The following PSD variants were observed in gnomAD, a reference collection of about 807,000 sequenced individuals.
PSD encodes pleckstrin and Sec7 domain containing.
PSD carries 32 observed loss-of-function variants against 91.6 expected under a neutral mutation model. The ratio of observed to expected loss-of-function variants is 0.35; its 90% confidence interval spans 0.26 to 0.47. The LOEUF is 0.47. Among genes scored for constraint, PSD ranks in the 20% least tolerant of loss-of-function variants. PSD has a pLI of 1.00. For synonymous variants in PSD, 532 were observed against 569.3 expected (o/e 0.93, Z 0.93); for missense variants, 1,099 against 1,373.9 (o/e 0.80, Z 3.16).
chr10:102,414,314 C>T lies in PSD; in HGVS notation c.1125-117G>A, dbSNP rs530594614. 1 of 1,043,046 alleles carries T rather than the reference C, an allele frequency of 9.6e-7. No individual in the cohort carries two copies. The highest frequency in any genetic ancestry group is 2.5e-5 in the East Asian group (1 of 39,532). The allele number at this position is 1,043,046 out of a possible 1,614,324, so 64.6% of individuals were successfully genotyped here. On this transcript the variant is annotated intron_variant, in intron 4 of 16. Transcript: ENST00000020673. This position sits in a 1 kb window ranked among gnomAD's most constrained non-coding sequence, Gnocchi z 5.6. ...GATTATCATCCCCTTTTCACTGGCT[C>T]CAGCCCACTAACAAAAAAGAGCCTC...
intron 3 of PSD, 51 bp downstream of exon 3, chr10:102,415,966 G>T: frequency 2.1e-6 from 3 of 1,421,486 alleles, no homozygotes; most frequent in Non-Finnish European, 2.9e-6. Flanking sequence ...AGCCTCAGCT[G>T]CTGTGGGGAA....
rs142852063 is a variant in PSD, at chr10:102,416,602, T to C, written c.437A>G (p.Asn146Ser). The C allele has an allele frequency of 4.0e-5, 63 of 1,594,578 alleles. No homozygotes were observed. In the African/African-American group the frequency reaches 8.1e-4, roughly 20 times the overall value. The change falls in exon 2 of 17, where the codon AAC (asparagine) becomes AGC (serine). Residue 146 changes from asparagine to serine, a missense_variant. Physicochemically the swap from Asn to Ser is conservative, Grantham distance 46. Around this residue, in one of 3 missense-constraint regions of PSD, gnomAD observed 631 missense variants for 728.8 expected, o/e 0.87. Transcript: ENST00000020673. This position sits in a 1 kb window ranked among gnomAD's most constrained non-coding sequence, Gnocchi z 6.0. ...GGATGCTTCCAGCCGTAACTTCCGG[T>C]TGGAGCCAGGCCCAAGGGCTGGGGT... ...RPTPALGPGS[N>S]RKLRLEASTS...
chr10:102,413,489 C>T (rs2061444289), intron 5 of PSD, among the ~76,000 whole-genome samples: 1 of 152,048 alleles, frequency 6.6e-6, no homozygotes, highest in African/African-American at 2.4e-5. Context: ...AAAGGGCCCT[C>T]CAGGAGAGCA....
At position 102,402,802 on chromosome 10, in the gene PSD, G is replaced by C. The variant is rs902685284; in HGVS notation, c.*398C>G. The C allele has an allele frequency of 4.1e-6, 1 of 245,988 alleles. No homozygotes were observed. Among genetic ancestry groups the C allele is most frequent in the African/African-American group, 2.2e-5 (1 of 44,608 alleles). The allele number at this position is 245,988 out of a possible 1,614,324, so 15.2% of individuals were successfully genotyped here. ...GGAGGAAGGAGGGGAAACCAGCTCA[G>C]CCCCAAATCCTGGTCTCTGTCCAAG... On this transcript the variant is annotated 3_prime_UTR_variant, in exon 17 of 17. Transcript: ENST00000020673.
chr10:102,413,538 TGCTTTCTCAA>T (rs1301237493), intron 5 of PSD, among the ~76,000 whole-genome samples: 2 of 152,082 alleles, frequency 1.3e-5, no homozygotes, highest in African/African-American at 4.8e-5. Context: ...TGCTGAATCA[TGCTTTCTCAA>T]GCCACTGGAC....
intron 1 of PSD, among the ~76,000 whole-genome samples, chr10:102,417,540 C>T (rs1192214956): frequency 2.0e-5 from 3 of 152,002 alleles, no homozygotes; most frequent in African/African-American, 7.3e-5. Context: ...GGAGGCCCCT[C>T]ACTCAGGGAA....
chr10:102,407,728 C>T (rs939440105), intron 10 of PSD, among the ~76,000 whole-genome samples: 2 of 152,044 alleles, frequency 1.3e-5, no homozygotes, highest in Admixed American at 6.6e-5. Flanking sequence ...GGGGAAACTG[C>T]GACCCCAGGA....
chr10:102,408,934 C>T (rs1303504245), intron 10 of PSD: 1 of 987,542 alleles, frequency 1.0e-6, no homozygotes, highest in African/African-American at 1.7e-5. Context: ...GGCTGACCAC[C>T]AGGTCGGTGT....
chr10:102,403,771 G>C lies in PSD; in HGVS notation c.2844+71C>G. Reference sequence around the variant, plus strand: ...CCAAGGACCTCCGGCCGGTTCCACTGTTAGAGTTCATGCCCTTCACCCTAG... The same window carrying C: ...CCAAGGACCTCCGGCCGGTTCCACTCTTAGAGTTCATGCCCTTCACCCTAG... On this transcript the variant is annotated intron_variant, in intron 16 of 16. Coordinates refer to ENST00000020673, the MANE Select transcript of PSD (RefSeq NM_002779.5). This position sits in a 1 kb window ranked among gnomAD's most constrained non-coding sequence, Gnocchi z 6.7. 2 of 1,533,510 alleles carry C rather than the reference G, an allele frequency of 1.3e-6. No individual in the cohort carries two copies. The highest frequency in any genetic ancestry group is 1.8e-6 in the Non-Finnish European group (2 of 1,134,730). The allele number at this position is 1,533,510 out of a possible 1,614,324, so 95.0% of individuals were successfully genotyped here. A position where few individuals can be genotyped will look rare whatever the true frequency, so the allele number is the denominator to read the frequency against.
chr10:102,407,793 G>A (rs752840843), intron 10 of PSD, among the ~76,000 whole-genome samples: 3 of 152,064 alleles, frequency 2.0e-5, no homozygotes, highest in Non-Finnish European at 4.4e-5. Flanking sequence ...ACACTATCAT[G>A]GCTCCCAACA....
chr10:102,409,195 C>G lies in PSD; in HGVS notation c.2091+1663G>C. ...CGGACCGCTCCCCCGACAGCCAGCG[C>G]GAGCGGCGCGGCCCGGCCCGAGCCG... On this transcript the variant is annotated intron_variant, in intron 10 of 16. Coordinates refer to ENST00000020673, the MANE Select transcript of PSD (RefSeq NM_002779.5). The surrounding 1 kb of genome is among the most constrained non-coding windows in gnomAD (Gnocchi z 5.7). The G allele has an allele frequency of 4.1e-6, 4 of 981,870 alleles. No individual in the cohort carries two copies. The highest frequency in any genetic ancestry group is 4.8e-6 in the Non-Finnish European group (4 of 828,618). 60.8% of individuals were successfully genotyped at this position (981,870 alleles called of 1,614,324 possible).
Position 102,412,208 on chromosome 10 carries a change from C to T in PSD, c.1768G>A (p.Val590Met), listed in dbSNP as rs1414484501. The T allele has an allele frequency of 1.2e-6, 2 of 1,614,080 alleles. No homozygotes were observed. Among genetic ancestry groups the T allele is most frequent in the African/African-American group, 1.3e-5 (1 of 74,942 alleles). Residue 590 changes from valine (V) to methionine (M), a missense_variant, in exon 7 of 17, where the codon GTG (valine) becomes ATG (methionine). By Grantham distance (21) the Val-to-Met change is conservative. This residue lies in a region of PSD where 110 missense variants were observed against 218.7 expected (regional missense o/e 0.50). Coordinates refer to ENST00000020673, the MANE Select transcript of PSD (RefSeq NM_002779.5). Reference sequence around the variant, plus strand: ...AAGAACTTGAGGTACTCCCCAGCCACCAGTTTGCTGAAGTCATTGCTGTGG... The same window carrying T: ...AAGAACTTGAGGTACTCCCCAGCCATCAGTTTGCTGAAGTCATTGCTGTGG... ...LGKNNDFSKLVAGEYLKFFVF... is the reference protein window; with the variant it reads ...LGKNNDFSKLMAGEYLKFFVF...
chr10:102,410,792 A>G lies in PSD; in HGVS notation c.2091+66T>C, dbSNP rs1173259379. 7.7e-6 allele frequency: 8 copies of G among 1,039,228 alleles called. No homozygotes were observed. Among genetic ancestry groups the G allele is most frequent in the South Asian group, 6.3e-5 (5 of 79,748 alleles). 64.4% of individuals were successfully genotyped at this position (1,039,228 alleles called of 1,614,324 possible). A position where few individuals can be genotyped will look rare whatever the true frequency, so the allele number is the denominator to read the frequency against. On this transcript the variant is annotated intron_variant, in intron 10 of 16. Transcript: ENST00000020673. The surrounding 1 kb of genome is among the most constrained non-coding windows in gnomAD (Gnocchi z 6.0). ...AGCCCTGCCCTCCCTCCGACTCTGG[A>G]CTCCGTCGCCGACTGGGTCCTCCAT...
chr10:102,414,938 T>C lies in PSD; in HGVS notation c.1049A>G (p.Glu350Gly). 3.2e-6 allele frequency: 5 copies of C among 1,548,868 alleles called. No homozygotes were observed. The highest frequency in any genetic ancestry group is 4.4e-6 in the Non-Finnish European group (5 of 1,142,442). ...GPHPSLGSGNEDEDDDEAGGE... is the reference protein window; with the variant it reads ...GPHPSLGSGNGDEDDDEAGGE... Reference sequence around the variant, plus strand: ...ACCTGCCTCATCGTCGTCCTCATCCTCATTGCCACTGCCGAGGCTGGGATG... The same window carrying C: ...ACCTGCCTCATCGTCGTCCTCATCCCCATTGCCACTGCCGAGGCTGGGATG... The change falls in exon 4 of 17, where the codon GAG (glutamate) becomes GGG (glycine). Residue 350 changes from glutamate (E) to glycine (G), a missense_variant. Glu to Gly is a moderately conservative substitution (Grantham distance 98). Coordinates refer to ENST00000020673, the MANE Select transcript of PSD (RefSeq NM_002779.5). The surrounding 1 kb of genome is among the most constrained non-coding windows in gnomAD (Gnocchi z 5.6).
chr10:102,417,573 G>A (rs1019483832), intron 1 of PSD, among the ~76,000 whole-genome samples: 5 of 152,146 alleles, frequency 3.3e-5, no homozygotes, highest in African/African-American at 1.2e-4. Flanking sequence ...CCTCCTGGAA[G>A]GAGAGGGAAG....
chr10:102,413,979 G>A lies in PSD; in HGVS notation c.1343C>T (p.Pro448Leu), dbSNP rs1401272573. Residue 448 changes from proline to leucine, a missense_variant, in exon 5 of 17, where the codon CCC (proline) becomes CTC (leucine). Coordinates refer to ENST00000020673, the MANE Select transcript of PSD (RefSeq NM_002779.5). ...PFFTFELPPQ[P>L]PAPRPDPPAP... is the part of the protein sequence containing the mutation. ...TGGTGGGTCGGGCCGGGGTGCAGGGGGTTGGGGAGGCAGCTCAAAGGTGAA... is the reference window on the plus strand; with the variant it reads ...TGGTGGGTCGGGCCGGGGTGCAGGGAGTTGGGGAGGCAGCTCAAAGGTGAA... The A allele has an allele frequency of 6.2e-7, 1 of 1,613,970 alleles. No individual in the cohort carries two copies. The highest frequency in any genetic ancestry group is 1.7e-5 in the Admixed American group (1 of 60,028).
rs2061434004 is a variant in PSD, at chr10:102,412,428, T to G, written c.1701A>C (p.Arg567=). 5 of 1,614,188 alleles carry G rather than the reference T, an allele frequency of 3.1e-6. No homozygotes were observed. Among genetic ancestry groups the G allele is most frequent in the Non-Finnish European group, 4.2e-6 (5 of 1,180,028 alleles). The part of the protein sequence containing the change: ...AAQRLAKRLY[R]LDGFRKADVA... ...CATCGGCCTTCCTGAAGCCATCTAG[T>G]CGGTACAGCCTCTTGGCCAGGCGCT... is the stretch of plus-strand genomic sequence containing the variant. The change falls in exon 6 of 17, where the codon CGA becomes CGC. Residue 567 remains arginine (R), a synonymous_variant. Transcript: ENST00000020673.
In PSD at chr10:102,414,072, C is replaced by G. The variant is rs779190300; in HGVS notation, c.1250G>C (p.Gly417Ala). The G allele has an allele frequency of 2.5e-6, 4 of 1,613,992 alleles. No individual in the cohort carries two copies. The highest frequency in any genetic ancestry group is 2.2e-5 in the East Asian group (1 of 44,886). The change falls in exon 5 of 17, where the codon GGC becomes GCC. Residue 417 changes from glycine (G) to alanine (A), a missense_variant. Gly to Ala is a moderately conservative substitution (Grantham distance 60, BLOSUM62 0). This residue lies in a region of PSD where 631 missense variants were observed against 728.8 expected (regional missense o/e 0.87). Transcript: ENST00000020673. This position sits in a 1 kb window ranked among gnomAD's most constrained non-coding sequence, Gnocchi z 5.6. ...EAILESHRAK[G>A]TSYTSLASLE... ...CGAGGCGAGGCTGGTATAGGAGGTG[C>G]CTTTGGCCCGGTGTGACTCCAGGAT... is the stretch of plus-strand genomic sequence containing the variant.
chr10:102,407,383 A>C, intron 10 of PSD, 117 bp from the exon 11 acceptor site: 1 of 622,616 alleles, frequency 1.6e-6, no homozygotes, highest in Non-Finnish European at 2.5e-6. Flanking sequence ...GGGCAGCAAG[A>C]TATAATGACC....
Sources: allele counts gnomAD v4.1 joint callset (sites outside exome capture counted in the v4.1 genomes callset), GRCh38; gene constraint gnomAD v4.1.1; regional missense constraint gnomAD v4.1.1; non-coding constraint Gnocchi (gnomAD v3.1); transcripts MANE v1.5; gene names NCBI Gene and HGNC (gene_info 2026-07-23, HGNC 2026-07-21).